APC: variants seen among roughly 807,000 people sequenced by gnomAD.
APC encodes the protein APC regulator of Wnt signaling pathway.
A neutral mutation model predicts 247.0 loss-of-function variants in APC; 72 were observed. That is an observed-to-expected ratio of 0.29 (90% CI 0.24 to 0.35). APC has a LOEUF of 0.35. Among genes scored for constraint, APC ranks in the 10% least tolerant of loss-of-function variants. The probability of loss-of-function intolerance (pLI) is 1.00; values close to 1 mark genes in which losing one functional copy is unlikely to be tolerated. For missense variants in APC, 3,400 were observed against 3,360.7 expected, an observed-to-expected ratio of 1.01 and a Z score of -0.29; for synonymous variants, 1,254 against 1,162.5, an observed-to-expected ratio of 1.08 and a Z score of -1.60.
At chr5:112,707,974 G>T in intron 1 of APC, 1 of 1,223,010 alleles carries the variant, frequency 8.2e-7, no homozygotes, top group Non-Finnish European at 1.1e-6. Context: ...TGCTCGGCCC[G>T]ACTCTGTGGC....
At position 112,838,154 on chromosome 5, in the gene APC, A is replaced by G. The variant is rs1468020473; in HGVS notation, c.2560A>G (p.Arg854Gly). 1.2e-6 allele frequency: 2 copies of G among 1,614,174 alleles called. No individual in the cohort carries two copies. Among genetic ancestry groups the G allele is most frequent in the East Asian group, 4.5e-5 (2 of 44,886 alleles). The change falls in exon 16 of 16, where the codon AGA (arginine) becomes GGA (glycine). Residue 854 changes from arginine to glycine, a missense_variant. Coordinates refer to ENST00000257430, the MANE Select transcript of APC (RefSeq NM_000038.6). ...TTCTGAAAAAGATAGAAGTTTGGAG[A>G]GAGAACGCGGAATTGGTCTAGGCAA... ...SRSEKDRSLE[R>G]ERGIGLGNYH...
intron 1 of APC, among the ~76,000 whole-genome samples, chr5:112,747,526 C>G (rs189187930): frequency 2.0e-5 from 3 of 152,136 alleles, no homozygotes; most frequent in African/African-American, 7.2e-5. Flanking sequence ...ATAAAAATGC[C>G]TTATGAATTA....
intron 6 of APC, among the ~76,000 whole-genome samples, chr5:112,792,037 G>A (rs1246013022): frequency 4.6e-5 from 7 of 152,180 alleles, no homozygotes; most frequent in Admixed American, 1.3e-4. Context: ...CACAAGGTCA[G>A]GACTTCGAGA....
chr5:112,845,529 C>T lies in APC; in HGVS notation c.*1403C>T, dbSNP rs1316590910. 4.3e-6 allele frequency: 1 copy of T among 232,988 alleles called. No individual in the cohort carries two copies. The highest frequency in any genetic ancestry group is 8.5e-6 in the Non-Finnish European group (1 of 117,716). The allele number at this position is 232,988 out of a possible 1,614,324, so 14.4% of individuals were successfully genotyped here. On this transcript the variant is annotated 3_prime_UTR_variant, in exon 16 of 16. Coordinates refer to ENST00000257430, the MANE Select transcript of APC (RefSeq NM_000038.6). The stretch of plus-strand genomic sequence containing the variant: ...GATCTCAGCAGTGAAGTATAATCAG[C>T]ACTTTGCCATGCTCAGAAAATTCAA...
At chr5:112,725,618 G>A (rs1247162237) in intron 1 of APC, among the ~76,000 whole-genome samples, 1 of 151,788 alleles carries the variant, frequency 6.6e-6, no homozygotes, top group Non-Finnish European at 1.5e-5. Flanking sequence ...AAAAATAGCT[G>A]GGCTCAGTAG....
At chr5:112,767,782 C>T (rs760926097) in intron 4 of APC, among the ~76,000 whole-genome samples, 14 of 152,052 alleles carry the variant, frequency 9.2e-5, no homozygotes, top group Non-Finnish European at 1.3e-4. Context: ...AGACGCCTAC[C>T]ACCACGCCTG....
At chr5:112,749,968 G>GT (rs34082853) in intron 1 of APC, among the ~76,000 whole-genome samples, 5,549 of 79,542 alleles carry the variant, frequency 0.07, 258 homozygotes, top group African/African-American at 0.16. Flanking sequence ...TTTTTTTTTT[G>GT]TTTTTTTTTT....
intron 1 of APC, among the ~76,000 whole-genome samples, chr5:112,717,154 G>A (rs1248622329): frequency 1.3e-5 from 2 of 152,054 alleles, no homozygotes; most frequent in Admixed American, 6.6e-5. Flanking sequence ...GGGATTACAG[G>A]CATGTGCCAC....
intron 7 of APC, among the ~76,000 whole-genome samples, chr5:112,794,762 C>A (rs1580432640): frequency 6.6e-6 from 1 of 152,244 alleles, no homozygotes; most frequent in African/African-American, 2.4e-5. Flanking sequence ...AAGCCACTCA[C>A]ATTTCTGCCC....
In APC at chr5:112,841,730, G is replaced by A. The variant is rs770406711; in HGVS notation, c.6136G>A (p.Ala2046Thr). 8.1e-6 allele frequency: 13 copies of A among 1,613,660 alleles called. No individual in the cohort carries two copies. Among genetic ancestry groups the A allele is most frequent in the East Asian group, 6.7e-5 (3 of 44,866 alleles). Residue 2046 changes from alanine (A) to threonine (T), a missense_variant, in exon 16 of 16, where the codon GCA becomes ACA. Around this residue, in one of 9 missense-constraint regions of APC, gnomAD observed 1,788 missense variants for 1,649.5 expected, o/e 1.08. Transcript: ENST00000257430. This position sits in a 1 kb window ranked among gnomAD's most constrained non-coding sequence, Gnocchi z 4.6. ...DDLLQECISS[A>T]MPKKKKPSRL... ...CCTGTTGCAGGAATGTATAAGCTCC[G>A]CAATGCCAAAAAAGAAAAAGCCTTC...
chr5:112,841,726 C>T lies in APC; in HGVS notation c.6132C>T (p.Ser2044=), dbSNP rs1554087237. The change falls in exon 16 of 16, where the codon AGC becomes AGT. Residue 2044 remains serine, a synonymous_variant. Coordinates refer to ENST00000257430, the MANE Select transcript of APC (RefSeq NM_000038.6). The surrounding 1 kb of genome is among the most constrained non-coding windows in gnomAD (Gnocchi z 4.6). ...SEDDLLQECI[S]SAMPKKKKPS... ...ATGACCTGTTGCAGGAATGTATAAGCTCCGCAATGCCAAAAAAGAAAAAGC... is the reference window on the plus strand; with the variant it reads ...ATGACCTGTTGCAGGAATGTATAAGTTCCGCAATGCCAAAAAAGAAAAAGC... The T allele has an allele frequency of 6.2e-7, 1 of 1,613,670 alleles. No homozygotes were observed. The highest frequency in any genetic ancestry group is 8.5e-7 in the Non-Finnish European group (1 of 1,179,634).
rs1060504897 is a variant in APC at position 112,839,290 on chromosome 5, T to C, written c.3696T>C (p.His1232=). Residue 1232 remains histidine (H), a synonymous_variant, in exon 16 of 16, where the codon CAT becomes CAC. Transcript: ENST00000257430. This position sits in a 1 kb window ranked among gnomAD's most constrained non-coding sequence, Gnocchi z 5.0. ...ATGCCAAGAGGCAGAATCAGCTCCA[T>C]CCAAGTTCTGCACAGAGTAGAAGTG... ...SSNAKRQNQL[H]PSSAQSRSGQ... The C allele has an allele frequency of 6.2e-7, 1 of 1,613,994 alleles. No homozygotes were observed. The highest frequency in any genetic ancestry group is 1.3e-5 in the African/African-American group (1 of 74,904).
rs1554081680 is a variant in APC, at chr5:112,827,158, G to A, written c.1459G>A (p.Gly487Arg). The A allele has an allele frequency of 3.7e-6, 6 of 1,613,556 alleles. No individual in the cohort carries two copies. The highest frequency in any genetic ancestry group is 1.7e-5 in the Admixed American group (1 of 59,994). The change falls in exon 12 of 16, where the codon GGG (glycine) becomes AGG (arginine). Residue 487 changes from glycine to arginine, a missense_variant. Coordinates refer to ENST00000257430, the MANE Select transcript of APC (RefSeq NM_000038.6). ...ELLQVDCEMY[G>R]LTNDHYSITL... ...ATTGCAAGTGGACTGTGAAATGTAT[G>A]GGCTTACTAATGACCACTACAGTAT...
At chr5:112,741,871 T>C (rs1753075452) in intron 1 of APC, among the ~76,000 whole-genome samples, 1 of 152,190 alleles carries the variant, frequency 6.6e-6, no homozygotes, top group Non-Finnish European at 1.5e-5. Flanking sequence ...AAAAACCATT[T>C]AATATTTATT....
chr5:112,815,668 G>C, intron 9 of APC, 75 bp downstream of exon 9: 1 of 1,156,890 alleles, frequency 8.6e-7, no homozygotes, highest in Non-Finnish European at 1.3e-6. Context: ...AGGTGCAGTG[G>C]CTCACACCTG....
rs774440273 is a variant in APC, at chr5:112,842,057, G to A, written c.6463G>A (p.Glu2155Lys). 1.9e-6 allele frequency: 3 copies of A among 1,612,802 alleles called. No homozygotes were observed. Among genetic ancestry groups the A allele is most frequent in the South Asian group, 1.1e-5 (1 of 91,038 alleles). The change falls in exon 16 of 16, where the codon GAA becomes AAA. Residue 2155 changes from glutamate (E) to lysine (K), a missense_variant. Glu to Lys is a moderately conservative substitution (Grantham distance 56). Coordinates refer to ENST00000257430, the MANE Select transcript of APC (RefSeq NM_000038.6). ...ACCATTTCATCTTACACCTGATCAA[G>A]AAGAAAAACCCTTTACAAGTAATAA... ...GSPFHLTPDQEEKPFTSNKGP... is the reference protein window; with the variant it reads ...GSPFHLTPDQKEKPFTSNKGP...
chr5:112,835,266 C>T, intron 15 of APC, 101 bp downstream of exon 15: 1 of 1,029,424 alleles, frequency 9.7e-7, no homozygotes, highest in Non-Finnish European at 1.5e-6. Flanking sequence ...AGTTTTAAGC[C>T]AAAATATATT....
chr5:112,735,491 T>C (rs1352796712), upstream of APC, among the ~76,000 whole-genome samples: 1 of 130,682 alleles, frequency 7.7e-6, no homozygotes, highest in Non-Finnish European at 1.6e-5. Flanking sequence ...AAAATATTTT[T>C]AATGCATACA....
rs1211476713 is a variant in APC, at chr5:112,845,531, C to G, written c.*1405C>G. 1 of 233,048 alleles carries G rather than the reference C, an allele frequency of 4.3e-6. No individual in the cohort carries two copies. The highest frequency in any genetic ancestry group is 8.5e-6 in the Non-Finnish European group (1 of 117,742). The allele number at this position is 233,048 out of a possible 1,614,324, so 14.4% of individuals were successfully genotyped here. ...TCTCAGCAGTGAAGTATAATCAGCA[C>G]TTTGCCATGCTCAGAAAATTCAAAT... On this transcript the variant is annotated 3_prime_UTR_variant, in exon 16 of 16. Coordinates refer to ENST00000257430, the MANE Select transcript of APC (RefSeq NM_000038.6).
Sources: gnomAD v4.1 joint callset for allele counts (sites outside exome capture counted in the v4.1 genomes callset) on GRCh38, gnomAD v4.1.1 for gene constraint, gnomAD v4.1.1 regional missense constraint, Gnocchi (gnomAD v3.1) non-coding constraint, MANE v1.5 for transcripts, NCBI Gene and HGNC (gene_info 2026-07-23, HGNC 2026-07-21) for gene names.